The following RIPOR2 variants were observed in gnomAD, a reference collection of about 807,000 sequenced individuals.
RIPOR2 encodes the protein RHO family interacting cell polarization regulator 2.
In RIPOR2, 39 loss-of-function variants were observed where a neutral mutation model predicts 114.5. That is an observed-to-expected ratio of 0.34 (90% CI 0.26 to 0.44). The LOEUF (loss-of-function observed/expected upper bound fraction) is 0.44. Ranked by LOEUF, RIPOR2 falls within the 20% of genes least tolerant of loss-of-function variation. The probability of loss-of-function intolerance (pLI) is 1.00; values close to 1 mark genes in which losing one functional copy is unlikely to be tolerated. For missense variants in RIPOR2, 1,007 were observed against 1,255.1 expected, an observed-to-expected ratio of 0.80 and a Z score of 2.99; for synonymous variants, 445 against 484.4, an observed-to-expected ratio of 0.92 and a Z score of 1.07.
rs1250523988 is a variant in RIPOR2, at chr6:24,806,032, CT to C, written c.*340del. The C allele has an allele frequency of 4.5e-6, 1 of 222,368 alleles. No homozygotes were observed. The highest frequency in any genetic ancestry group is 8.8e-6 in the Non-Finnish European group (1 of 113,538). 13.8% of individuals were successfully genotyped at this position (222,368 alleles called of 1,614,324 possible). ...TGGGGCAATTATGGCTCACTGCAGCCTGAATCTTCTGGGCTCAAGCAATCCT... is the reference window on the plus strand; with the variant it reads ...TGGGGCAATTATGGCTCACTGCAGCCGAATCTTCTGGGCTCAAGCAATCCT... On this transcript the variant is annotated 3_prime_UTR_variant, in exon 22 of 22. Transcript: ENST00000643898.
rs756958222 is a variant in RIPOR2, at chr6:24,828,229, G to A, written c.2573C>T (p.Ser858Leu). The A allele has an allele frequency of 1.6e-4, 253 of 1,551,290 alleles. No homozygotes were observed. Among genetic ancestry groups the A allele is most frequent in the Non-Finnish European group, 2.0e-4 (235 of 1,146,826 alleles). ...AEPLLSSSLS[S>L]EVVTVFQYYS... ...ATACTGGAAAACAGTGACGACTTCC[G>A]AGGACAGGCTGGAGGAAAGCAGAGG... The change falls in exon 18 of 22, where the codon TCG (serine) becomes TTG (leucine). Residue 858 changes from serine (S) to leucine (L), a missense_variant. Coordinates refer to ENST00000643898, the MANE Select transcript of RIPOR2 (RefSeq NM_001286445.3).
chr6:25,034,353 A>G (rs1777141259), intron 1 of RIPOR2, among the ~76,000 whole-genome samples: 1 of 152,152 alleles, frequency 6.6e-6, no homozygotes. Flanking sequence ...GTGTGTATAT[A>G]GTTAACATGT....
chr6:25,038,791 G>C (rs1777356737), intron 1 of RIPOR2, among the ~76,000 whole-genome samples: 1 of 152,232 alleles, frequency 6.6e-6, no homozygotes, highest in Non-Finnish European at 1.5e-5. Flanking sequence ...GTTGTTTTAA[G>C]GCAATAAACT....
At chr6:24,885,348 G>A (rs527636109) in intron 1 of RIPOR2, among the ~76,000 whole-genome samples, 4 of 151,650 alleles carry the variant, frequency 2.6e-5, no homozygotes, top group African/African-American at 7.3e-5. Flanking sequence ...TCAGCCTCCC[G>A]AGTAGCTGGG....
chr6:24,968,989 C>T (rs982277732), intron 1 of RIPOR2, among the ~76,000 whole-genome samples: 2 of 152,134 alleles, frequency 1.3e-5, no homozygotes, highest in Non-Finnish European at 2.9e-5. Context: ...ACCTCATTTG[C>T]TTTTCCCTTT....
rs149753912 is a variant in RIPOR2, at chr6:24,856,420, G to T, written c.716-3802C>A. ...ACTTGTTTTTGTAAATCCTAAACTG[G>T]ACATGCTAATTCTAATAAAATCCAA... On this transcript the variant is annotated intron_variant, in intron 8 of 21. Transcript: ENST00000643898. Among the ~76,000 whole-genome samples the T allele has an allele frequency of 4.7e-4, 72 of 152,200 alleles. No homozygotes were observed. In the East Asian group the frequency reaches 0.014, roughly 29 times the overall value.
Position 24,857,696 on chromosome 6 carries a change from T to C in RIPOR2, c.715+3277A>G, listed in dbSNP as rs533120134. On this transcript the variant is annotated intron_variant, in intron 8 of 21. Coordinates refer to ENST00000643898, the MANE Select transcript of RIPOR2 (RefSeq NM_001286445.3). ...AAATAATGCAAGTTTACTAGCTCAATGGTGGTTCTTCCTTCTGAGGAAGGT... is the reference window on the plus strand; with the variant it reads ...AAATAATGCAAGTTTACTAGCTCAACGGTGGTTCTTCCTTCTGAGGAAGGT... Among the ~76,000 whole-genome samples, 4 of 152,356 alleles carry C rather than the reference T, an allele frequency of 2.6e-5. No homozygotes were observed. In the East Asian group the frequency reaches 7.7e-4, roughly 29 times the overall value.
Position 24,869,105 on chromosome 6 carries a change from G to T in RIPOR2, c.490C>A (p.His164Asn). The change falls in exon 6 of 22, where the codon CAT becomes AAT. Residue 164 changes from histidine (H) to asparagine (N), a missense_variant. His to Asn is a moderately conservative substitution (Grantham distance 68). Coordinates refer to ENST00000643898, the MANE Select transcript of RIPOR2 (RefSeq NM_001286445.3). ...IERYMRRLEF[H>N]ISKVDELYEA... is the part of the protein sequence containing the mutation. The stretch of plus-strand genomic sequence containing the variant: ...GGAATTTCAGTTACCTTACTTATAT[G>T]AAACTCCAGGCGTCTCATGTATCTT... The T allele has an allele frequency of 6.3e-7, 1 of 1,578,616 alleles. No individual in the cohort carries two copies. Among genetic ancestry groups the T allele is most frequent in the Non-Finnish European group, 8.6e-7 (1 of 1,156,220 alleles).
In RIPOR2 at chr6:24,954,455, C is replaced by CTTT. The variant is rs372356246; in HGVS notation, c.77-78639_77-78638insAAA. On this transcript the variant is annotated intron_variant, in intron 1 of 13. Transcript: ENST00000510784. ...AACTGTGCAGGCCCAGTCTCTCTCTCCTTTTTTTTTTTTTTTTTGAGACAG... is the reference window on the plus strand; with the variant it reads ...AACTGTGCAGGCCCAGTCTCTCTCTCTTTCTTTTTTTTTTTTTTTTTGAGACAG... Among the ~76,000 whole-genome samples the CTTT allele has an allele frequency of 4.2e-3, 484 of 116,212 alleles. 26 individuals carry two copies. The highest frequency in any genetic ancestry group is 9.4e-3 in the East Asian group (41 of 4,344). 76.2% of individuals were successfully genotyped at this position (116,212 alleles called of 152,430 possible). A position where few individuals can be genotyped will look rare whatever the true frequency, so the allele number is the denominator to read the frequency against.
intron 1 of RIPOR2, among the ~76,000 whole-genome samples, chr6:24,912,591 A>G (rs894550900): frequency 4.0e-5 from 6 of 151,684 alleles, no homozygotes; most frequent in Admixed American, 3.9e-4. Context: ...ACATTTCTCT[A>G]TTTACTGGAG....
At chr6:24,890,042 C>A (rs968748414) in intron 1 of RIPOR2, among the ~76,000 whole-genome samples, 1 of 152,084 alleles carries the variant, frequency 6.6e-6, no homozygotes, top group East Asian at 1.9e-4. Flanking sequence ...TACAGGTATG[C>A]GCCACCACGC....
chr6:25,011,742 C>T (rs773611392), intron 1 of RIPOR2, among the ~76,000 whole-genome samples: 2 of 152,128 alleles, frequency 1.3e-5, no homozygotes, highest in Admixed American at 6.5e-5. Context: ...AAAAATGGAC[C>T]GTAGACCCAA....
rs537360722 is a variant in RIPOR2 at position 25,001,249 on chromosome 6, A to G, written c.76+40602T>C. The stretch of plus-strand genomic sequence containing the variant: ...TACACATATGCATTTATGTAATCAT[A>G]CAAATACAGAGACAATATACATATT... On this transcript the variant is annotated intron_variant, in intron 1 of 13. Coordinates refer to the RIPOR2 transcript ENST00000510784. Among the ~76,000 whole-genome samples the G allele has an allele frequency of 9.2e-5, 14 of 152,372 alleles. No homozygotes were observed. The East Asian group carries it at 2.7e-3, about 29-fold the overall frequency.
intron 1 of RIPOR2, among the ~76,000 whole-genome samples, chr6:24,949,276 G>T (rs1772622508): frequency 1.3e-5 from 2 of 152,280 alleles, no homozygotes; most frequent in South Asian, 4.2e-4. Flanking sequence ...AGGGAGGGGA[G>T]CAGAAAGCCG....
chr6:24,840,624 G>A, intron 13 of RIPOR2: 1 of 1,528,222 alleles, frequency 6.5e-7, no homozygotes, highest in Non-Finnish European at 8.7e-7. Context: ...GAAGGGCCTT[G>A]CAGGGATCTG....
intron 1 of RIPOR2, among the ~76,000 whole-genome samples, chr6:24,922,498 A>G (rs1770566135): frequency 6.6e-6 from 1 of 151,744 alleles, no homozygotes; most frequent in African/African-American, 2.4e-5. Context: ...TGCTCTGTAG[A>G]CCCTCAGGAA....
chr6:25,011,574 G>A (rs912256283), intron 1 of RIPOR2, among the ~76,000 whole-genome samples: 1 of 152,176 alleles, frequency 6.6e-6, no homozygotes, highest in African/African-American at 2.4e-5. Context: ...TGTTACATCG[G>A]GAAGCCAAGC....
chr6:24,817,976 C>CTTTTTTTTTTTTTTTTTTTTT (rs758675486), intron 20 of RIPOR2, among the ~76,000 whole-genome samples: 1 of 84,448 alleles, frequency 1.2e-5, no homozygotes, highest in African/African-American at 4.5e-5. Context: ...CTCTCTCTCT[C>CTTTTTTTTTTTTTTTTTTTTT]TCTTTTTTTT....
intron 1 of RIPOR2, among the ~76,000 whole-genome samples, chr6:24,987,132 T>A: frequency 6.6e-6 from 1 of 152,152 alleles, no homozygotes; most frequent in East Asian, 1.9e-4. Context: ...AGAATATAAC[T>A]GGCTGATAGT....
Sources: allele counts gnomAD v4.1 joint callset (sites outside exome capture counted in the v4.1 genomes callset), GRCh38; gene constraint gnomAD v4.1.1; transcripts MANE v1.5; gene names NCBI Gene and HGNC (gene_info 2026-07-23, HGNC 2026-07-21).